TGIF1: variants seen among roughly 807,000 people sequenced by gnomAD.
TGIF1 encodes the protein TGFB induced factor homeobox 1.
In TGIF1, 4 loss-of-function variants were observed where a neutral mutation model predicts 19.3. The observed-to-expected ratio is 0.21, with a 90% confidence interval of 0.10 to 0.47. TGIF1 has a LOEUF of 0.47. Ranked by LOEUF, TGIF1 falls within the 20% of genes least tolerant of loss-of-function variation. The probability of loss-of-function intolerance (pLI) is 0.98; values close to 1 mark genes in which losing one functional copy is unlikely to be tolerated. For synonymous variants in TGIF1, 122 were observed against 129.3 expected, an observed-to-expected ratio of 0.94 and a Z score of 0.38; for missense variants, 275 against 341.4, an observed-to-expected ratio of 0.81 and a Z score of 1.53.
intron 2 of TGIF1, among the ~76,000 whole-genome samples, chr18:3,435,088 A>G (rs1421486717): frequency 3.9e-5 from 6 of 152,198 alleles, no homozygotes; most frequent in Admixed American, 3.9e-4. Context: ...ACCAAGGCAC[A>G]GTCAATCTTG....
chr18:3,420,123 A>G (rs1186322385), intron 2 of TGIF1, among the ~76,000 whole-genome samples: 1 of 152,224 alleles, frequency 6.6e-6, no homozygotes, highest in Non-Finnish European at 1.5e-5. Flanking sequence ...CAAGCCTATA[A>G]TTAAAGCACT....
chr18:3,418,337 C>G (rs1470287942), intron 2 of TGIF1: 1 of 152,178 alleles, frequency 6.6e-6, no homozygotes, highest in African/African-American at 2.4e-5. Flanking sequence ...GATCTATAGT[C>G]TCCAGCTGTC....
At chr18:3,445,506 T>C (rs539220155), upstream of TGIF1, among the ~76,000 whole-genome samples, 657 of 151,420 alleles carry the variant, frequency 4.3e-3, 7 homozygotes, top group Non-Finnish European at 6.8e-3. Flanking sequence ...GGGCGGATCA[T>C]GAGGTCAGGA....
chr18:3,448,831 A>T (rs1446271092), upstream of TGIF1, among the ~76,000 whole-genome samples: 2 of 149,074 alleles, frequency 1.3e-5, no homozygotes, highest in African/African-American at 5.0e-5. Flanking sequence ...CCTCGGGTTT[A>T]ATCTTATTTC....
chr18:3,435,279 G>A (rs1422560771), intron 2 of TGIF1, among the ~76,000 whole-genome samples: 5 of 149,008 alleles, frequency 3.4e-5, no homozygotes, highest in South Asian at 2.1e-4. Context: ...TGCAACCTCC[G>A]CCTCCCAGGT....
intron 2 of TGIF1, among the ~76,000 whole-genome samples, chr18:3,444,145 A>C (rs1376695698): frequency 6.6e-6 from 1 of 151,784 alleles, no homozygotes; most frequent in East Asian, 1.9e-4. Context: ...GGGTTTCACC[A>C]TATGGGCCAG....
chr18:3,426,166 C>CTTTTTTT (rs10675936), intron 2 of TGIF1, among the ~76,000 whole-genome samples: 2,331 of 116,478 alleles, frequency 0.02, 193 homozygotes, highest in African/African-American at 0.082. Flanking sequence ...GGCTAGGGTC[C>CTTTTTTT]TTTTTTTTTT....
intron 1 of TGIF1, among the ~76,000 whole-genome samples, chr18:3,413,395 C>T (rs760225633): frequency 3.3e-5 from 5 of 152,146 alleles, no homozygotes; most frequent in Non-Finnish European, 5.9e-5. Context: ...TTTCTCACCC[C>T]AAAATCAGGT....
chr18:3,412,018 A>C (rs111280841), exon 1 of TGIF1: 2,106 of 159,738 alleles, frequency 0.013, 43 homozygotes, highest in African/African-American at 0.047. Flanking sequence ...TCAAAAACAC[A>C]TCTGTTACAA....
At chr18:3,419,542 T>G (rs1451685083) in intron 2 of TGIF1, among the ~76,000 whole-genome samples, 1 of 152,240 alleles carries the variant, frequency 6.6e-6, no homozygotes, top group Non-Finnish European at 1.5e-5. Context: ...ATCCTTTCTT[T>G]TGAAGCAGTC....
chr18:3,459,823 A>C lies in TGIF1; in HGVS notation c.*1883A>C, dbSNP rs986106121. ...GTTGTTACAGGTCATGGTTGATAATAGTTGGTGTTGAATGAATGTAATCCA... is the reference window on the plus strand; with the variant it reads ...GTTGTTACAGGTCATGGTTGATAATCGTTGGTGTTGAATGAATGTAATCCA... On this transcript the variant is annotated 3_prime_UTR_variant, in exon 3 of 3. Coordinates refer to ENST00000343820, the MANE Select transcript of TGIF1 (RefSeq NM_003244.4). 1.8e-4 allele frequency: 27 copies of C among 152,238 alleles called. No homozygotes were observed. Among genetic ancestry groups the C allele is most frequent in the Non-Finnish European group, 3.1e-4 (21 of 68,044 alleles). The allele number at this position is 152,238 out of a possible 1,614,324, so 9.4% of individuals were successfully genotyped here.
chr18:3,415,547 A>G (rs1036940487), intron 1 of TGIF1: 1 of 382,810 alleles, frequency 2.6e-6, no homozygotes, highest in Non-Finnish European at 5.3e-6. Flanking sequence ...GAGCCCGCAG[A>G]CCAGGACCCT....
chr18:3,458,626 C>T lies in TGIF1; in HGVS notation c.*686C>T, dbSNP rs1187836415. 1 of 153,296 alleles carries T rather than the reference C, an allele frequency of 6.5e-6. No individual in the cohort carries two copies. The highest frequency in any genetic ancestry group is 1.5e-5 in the Non-Finnish European group (1 of 68,946). The allele number at this position is 153,296 out of a possible 1,614,324, so 9.5% of individuals were successfully genotyped here. A position where few individuals can be genotyped will look rare whatever the true frequency, so the allele number is the denominator to read the frequency against. ...GGCATAGCAGGCCCTTAGAGCTTTACTTAAACTGCATGGCAAATTGAAATG... is the reference window on the plus strand; with the variant it reads ...GGCATAGCAGGCCCTTAGAGCTTTATTTAAACTGCATGGCAAATTGAAATG... On this transcript the variant is annotated 3_prime_UTR_variant, in exon 3 of 3. Coordinates refer to ENST00000343820, the MANE Select transcript of TGIF1 (RefSeq NM_003244.4).
At chr18:3,431,642 T>C (rs2082548451) in intron 2 of TGIF1, among the ~76,000 whole-genome samples, 1 of 152,026 alleles carries the variant, frequency 6.6e-6, no homozygotes, top group Non-Finnish European at 1.5e-5. Context: ...CGATGGATGA[T>C]AAAACTAAAG....
At chr18:3,439,640 G>T (rs1191567876) in intron 2 of TGIF1, among the ~76,000 whole-genome samples, 1 of 152,076 alleles carries the variant, frequency 6.6e-6, no homozygotes, top group Admixed American at 6.6e-5. Flanking sequence ...ATCGTGCCCA[G>T]CTCTAAAGAT....
At chr18:3,448,078 G>GT, upstream of TGIF1, 1 of 977,250 alleles carries the variant, frequency 1.0e-6, no homozygotes. Flanking sequence ...GCGGGCGGGG[G>GT]GGGAGGTAGG....
intron 2 of TGIF1, among the ~76,000 whole-genome samples, chr18:3,439,692 G>A (rs1217520785): frequency 2.6e-5 from 4 of 151,874 alleles, no homozygotes; most frequent in Non-Finnish European, 4.4e-5. Context: ...AGACGTGTGT[G>A]AATTGTTGCC....
chr18:3,451,964 GCT>G lies in TGIF1; in HGVS notation c.16+1462_16+1463del, dbSNP rs1568048189. ...TGGGCCTCCCGGGAATAAGTGAGGGGCTCTGTGTTTCGAGGATGGTTCTAGCG... is the reference window on the plus strand; with the variant it reads ...TGGGCCTCCCGGGAATAAGTGAGGGGCTGTGTTTCGAGGATGGTTCTAGCG... On this transcript the variant is annotated intron_variant, in intron 1 of 2. Transcript: ENST00000343820. This position sits in a 1 kb window ranked among gnomAD's most constrained non-coding sequence, Gnocchi z 5.4. 2.6e-6 allele frequency: 4 copies of G among 1,568,582 alleles called. No individual in the cohort carries two copies. In the Admixed American group the frequency reaches 7.1e-5, roughly 28 times the overall value.
upstream of TGIF1, chr18:3,447,765 C>T (rs768781633): frequency 5.1e-5 from 82 of 1,614,074 alleles, no homozygotes; most frequent in Admixed American, 6.7e-5. Flanking sequence ...AAAAGTTGTG[C>T]ATTGGCCCGA....
Sources: allele counts gnomAD v4.1 joint callset (sites outside exome capture counted in the v4.1 genomes callset), GRCh38; gene constraint gnomAD v4.1.1; non-coding constraint Gnocchi (gnomAD v3.1); transcripts MANE v1.5; gene names NCBI Gene and HGNC (gene_info 2026-07-23, HGNC 2026-07-21).